TOP1: variants seen among roughly 807,000 people sequenced by gnomAD.
TOP1 encodes DNA topoisomerase I, also known as DNA topoisomerase 1.
Under a neutral mutation model 111.1 loss-of-function variants are expected in TOP1, and 10 were observed. The ratio of observed to expected loss-of-function variants is 0.09; its 90% CI spans 0.06 to 0.15. The LOEUF (loss-of-function observed/expected upper bound fraction) is 0.15, where lower values mean the gene tolerates loss of function less well. TOP1 is among the 10% of genes least tolerant of loss of function. The pLI, the probability that TOP1 is intolerant of heterozygous loss-of-function variation, is 1.00. For missense variants in TOP1, 474 were observed against 926.7 expected (o/e 0.51, Z 6.34); for synonymous variants, 271 against 302.9 (o/e 0.89, Z 1.10).
At position 41,067,709 on chromosome 20, in the gene TOP1, C is replaced by T. The variant is rs1383881125; in HGVS notation, c.155+6219C>T. Among the ~76,000 whole-genome samples, 1 of 152,114 alleles carries T rather than the reference C, an allele frequency of 6.6e-6. No individual in the cohort carries two copies. The highest frequency in any genetic ancestry group is 1.5e-5 in the Non-Finnish European group (1 of 68,030). ...TTCCTTCTCTGCTAGATATTAGCAC[C>T]AATCATTTGTCATCAGGCTATACTT... On this transcript the variant is annotated intron_variant, in intron 3 of 20. Coordinates refer to ENST00000361337, the MANE Select transcript of TOP1 (RefSeq NM_003286.4). The surrounding 1 kb of genome is among the most constrained non-coding windows in gnomAD (Gnocchi z 4.0).
rs569261173 is a variant in TOP1 at position 41,088,292 on chromosome 20, A to G, written c.614+3724A>G. ...AGCGGGCAGATCACGAGGTCAGTAG[A>G]TCGAGACCATCCTGGCTAACATGGT... On this transcript the variant is annotated intron_variant, in intron 8 of 20. Transcript: ENST00000361337. 4.6e-5 allele frequency among the ~76,000 whole-genome samples: 7 copies of G among 152,242 alleles called. No homozygotes were observed. The East Asian group carries it at 9.7e-4, about 21-fold the overall frequency.
rs767849101 is a variant in TOP1, at chr20:41,101,326, C to T, written c.1281C>T (p.Ile427=). The stretch of plus-strand genomic sequence containing the variant: ...ACATCCAAGGTTCCATTAAATACAT[C>T]ATGCTTAACCCTAGTTCACGAATCA... The part of the protein sequence containing the change: ...TENIQGSIKY[I]MLNPSSRIKG... Residue 427 remains isoleucine (I), a synonymous_variant, in exon 13 of 21, where the codon ATC becomes ATT. Transcript: ENST00000361337. The surrounding 1 kb of genome is among the most constrained non-coding windows in gnomAD (Gnocchi z 4.1). 7 of 1,614,106 alleles carry T rather than the reference C, an allele frequency of 4.3e-6. No homozygotes were observed. In the Admixed American group the frequency reaches 8.3e-5, roughly 19 times the overall value.
chr20:41,042,714 T>A (rs920147042), intron 2 of TOP1, among the ~76,000 whole-genome samples: 2 of 152,202 alleles, frequency 1.3e-5, no homozygotes, highest in African/African-American at 4.8e-5. Context: ...GAGTTATAAC[T>A]TTTGACTCCT....
chr20:41,053,533 G>T (rs1030934105), intron 2 of TOP1, among the ~76,000 whole-genome samples: 3 of 152,086 alleles, frequency 2.0e-5, no homozygotes, highest in Non-Finnish European at 2.9e-5. Context: ...TAGCAGCACA[G>T]CAGAAAAATA....
chr20:41,087,537 T>G (rs1010019364), intron 8 of TOP1, among the ~76,000 whole-genome samples: 4 of 152,186 alleles, frequency 2.6e-5, no homozygotes, highest in Non-Finnish European at 5.9e-5. Context: ...CTATAATGTT[T>G]TAAGGAATTA....
At chr20:41,059,141 G>A (rs913603374) in intron 2 of TOP1, among the ~76,000 whole-genome samples, 1 of 152,012 alleles carries the variant, frequency 6.6e-6, no homozygotes, top group Admixed American at 6.6e-5. Flanking sequence ...ACACATGTAG[G>A]GGAACAGCAG....
chr20:41,120,430 T>C (rs1191858701), intron 18 of TOP1, among the ~76,000 whole-genome samples: 6 of 152,258 alleles, frequency 3.9e-5, no homozygotes, highest in African/African-American at 1.4e-4. Context: ...ATTTACTCCG[T>C]AGAGGTTGTC....
intron 9 of TOP1, among the ~76,000 whole-genome samples, chr20:41,093,709 G>A (rs957417853): frequency 2.6e-5 from 4 of 152,174 alleles, no homozygotes; most frequent in African/African-American, 9.7e-5. Context: ...GAAACACTGG[G>A]CAGGATAACT....
rs1185208139 is a variant in TOP1, at chr20:41,080,094, A to G, written c.345A>G (p.Gln115=). ...TTTTTTTTCTCTTTAGTCCACCACA[A>G]ATTAAAGATGAACCTGAAGATGATG... ...EKENGFSSPP[Q]IKDEPEDDGY... The change falls in exon 6 of 21, where the codon CAA becomes CAG. Residue 115 remains glutamine (Q), a synonymous_variant. Transcript: ENST00000361337. This position sits in a 1 kb window ranked among gnomAD's most constrained non-coding sequence, Gnocchi z 5.0. The G allele has an allele frequency of 1.2e-6, 2 of 1,609,856 alleles. No individual in the cohort carries two copies. The highest frequency in any genetic ancestry group is 1.7e-6 in the Non-Finnish European group (2 of 1,177,706).
chr20:41,063,318 A>T (rs2033568566), intron 3 of TOP1, among the ~76,000 whole-genome samples: 1 of 152,170 alleles, frequency 6.6e-6, no homozygotes, highest in Admixed American at 6.5e-5. Context: ...TATGTACAAC[A>T]TTTTCTTTAT....
At chr20:41,056,672 A>G (rs920969294) in intron 2 of TOP1, among the ~76,000 whole-genome samples, 1 of 152,130 alleles carries the variant, frequency 6.6e-6, no homozygotes, top group African/African-American at 2.4e-5. Flanking sequence ...CGTAGAGACA[A>G]GGTCTTGCTA....
chr20:41,090,501 G>A (rs1173430116), intron 8 of TOP1, among the ~76,000 whole-genome samples: 1 of 152,020 alleles, frequency 6.6e-6, no homozygotes, highest in East Asian at 1.9e-4. Context: ...GTTCAGTGAA[G>A]TTCAGTTTAT....
rs1225737539 is a variant in TOP1, at chr20:41,101,767, T to C, written c.1308+414T>C. Among the ~76,000 whole-genome samples, 2 of 152,244 alleles carry C rather than the reference T, an allele frequency of 1.3e-5. No individual in the cohort carries two copies. The highest frequency in any genetic ancestry group is 3.8e-4 in the East Asian group (2 of 5,204). ...CTCTCTTGGTTATGAGAAGGGAATGTAGTTTCTGTATATCCTGAAACAAGT... is the reference window on the plus strand; with the variant it reads ...CTCTCTTGGTTATGAGAAGGGAATGCAGTTTCTGTATATCCTGAAACAAGT... On this transcript the variant is annotated intron_variant, in intron 13 of 20. Transcript: ENST00000361337. This position sits in a 1 kb window ranked among gnomAD's most constrained non-coding sequence, Gnocchi z 4.1.
rs1416450780 is a variant in TOP1, at chr20:41,029,108, C to T, written c.33+8C>T. On this transcript the variant is annotated splice_region_variant and intron_variant, in intron 1 of 20. Coordinates refer to ENST00000361337, the MANE Select transcript of TOP1 (RefSeq NM_003286.4). This position sits in a 1 kb window ranked among gnomAD's most constrained non-coding sequence, Gnocchi z 6.1. ...CTCCACAACGATTCCCAGGTACGGC[C>T]CGGCCTGACCCTGGCGGCCCCGGAC... The T allele has an allele frequency of 1.3e-6, 2 of 1,502,994 alleles. No homozygotes were observed. Among genetic ancestry groups the T allele is most frequent in the African/African-American group, 2.9e-5 (2 of 68,662 alleles). The allele number at this position is 1,502,994 out of a possible 1,614,324, so 93.1% of individuals were successfully genotyped here. A position where few individuals can be genotyped will look rare whatever the true frequency, so the allele number is the denominator to read the frequency against.
At chr20:41,066,271 G>A (rs1200734212) in intron 3 of TOP1, among the ~76,000 whole-genome samples, 1 of 151,416 alleles carries the variant, frequency 6.6e-6, no homozygotes, top group Non-Finnish European at 1.5e-5. Context: ...AAAAAGGGAT[G>A]TGATTTTTTT....
chr20:41,032,300 A>G lies in TOP1; in HGVS notation c.58+2845A>G, dbSNP rs1363273578. 2.6e-5 allele frequency among the ~76,000 whole-genome samples: 4 copies of G among 151,422 alleles called. No individual in the cohort carries two copies. Among genetic ancestry groups the G allele is most frequent in the African/African-American group, 9.7e-5 (4 of 41,106 alleles). On this transcript the variant is annotated intron_variant, in intron 2 of 20. Transcript: ENST00000361337. This position sits in a 1 kb window ranked among gnomAD's most constrained non-coding sequence, Gnocchi z 4.3. ...AATATTTAAAATTGTAGCTCTTTGC[A>G]TGTAATTTAGAACATTCTGACCCAT...
Position 41,080,063 on chromosome 20 carries a change from C to G in TOP1, c.336-22C>G. The G allele has an allele frequency of 6.8e-7, 1 of 1,468,782 alleles. No homozygotes were observed. The highest frequency in any genetic ancestry group is 9.5e-7 in the Non-Finnish European group (1 of 1,054,754). 91.0% of individuals were successfully genotyped at this position (1,468,782 alleles called of 1,614,324 possible). A position where few individuals can be genotyped will look rare whatever the true frequency, so the allele number is the denominator to read the frequency against. ...AATACAGATGTTCTAGCACTCTGAC[C>G]AGCAATTTTTTTTCTCTTTAGTCCA... On this transcript the variant is annotated intron_variant, in intron 5 of 20. Transcript: ENST00000361337. The surrounding 1 kb of genome is among the most constrained non-coding windows in gnomAD (Gnocchi z 5.0).
intron 2 of TOP1, among the ~76,000 whole-genome samples, chr20:41,051,725 T>G (rs936024177): frequency 1.3e-5 from 2 of 152,000 alleles, no homozygotes; most frequent in African/African-American, 4.8e-5. Flanking sequence ...TTCCTGGATC[T>G]CAGTATAGGA....
rs1368117002 is a variant in TOP1, at chr20:41,118,656, C to T, written c.1950+360C>T. ...CCTTGCTACAGCCCAGAAATACAGC[C>T]ATTTCCAAATTAGATTGTTTCAAAT... On this transcript the variant is annotated intron_variant, in intron 18 of 20. Transcript: ENST00000361337. This position sits in a 1 kb window ranked among gnomAD's most constrained non-coding sequence, Gnocchi z 4.6. Among the ~76,000 whole-genome samples, 2 of 152,196 alleles carry T rather than the reference C, an allele frequency of 1.3e-5. No individual in the cohort carries two copies. Among genetic ancestry groups the T allele is most frequent in the African/African-American group, 4.8e-5 (2 of 41,444 alleles).
Sources: allele counts gnomAD v4.1 joint callset (sites outside exome capture counted in the v4.1 genomes callset), GRCh38; gene constraint gnomAD v4.1.1; non-coding constraint Gnocchi (gnomAD v3.1); transcripts MANE v1.5; gene names NCBI Gene and HGNC (gene_info 2026-07-23, HGNC 2026-07-21).